DRC8: variants seen among roughly 807,000 people sequenced by gnomAD.
The protein encoded by DRC8 is dynein regulatory complex subunit 8, also known as dynein regulatory complex protein 8.
At chr1:245,004,323 T>G in the DRC8 span, among the ~76,000 whole-genome samples, 1 of 152,160 alleles carries the variant, frequency 6.6e-6, no homozygotes, top group Non-Finnish European at 1.5e-5. Flanking sequence ...GAATTTGTAT[T>G]CTACAAAACA....
the DRC8 span, among the ~76,000 whole-genome samples, chr1:245,046,967 G>A: frequency 2.0e-5 from 3 of 152,164 alleles, no homozygotes; most frequent in African/African-American, 7.2e-5. Context: ...CCGCTGCTCC[G>A]TTTTAGAGGG....
chr1:245,085,512 T>A, the DRC8 span, among the ~76,000 whole-genome samples: 8 of 152,056 alleles, frequency 5.3e-5, no homozygotes, highest in Non-Finnish European at 1.0e-4. Flanking sequence ...GAACATGCTA[T>A]TTCAGAGAGA....
chr1:244,971,331 G>T, the DRC8 span, among the ~76,000 whole-genome samples: 1 of 152,262 alleles, frequency 6.6e-6, no homozygotes, highest in Non-Finnish European at 1.5e-5. Context: ...AGCCCCGCGC[G>T]GTGGCCGCCT....
At chr1:245,027,761 T>A in the DRC8 span, among the ~76,000 whole-genome samples, 1 of 152,188 alleles carries the variant, frequency 6.6e-6, no homozygotes, top group South Asian at 2.1e-4. Flanking sequence ...TTCACACATA[T>A]TTTAGTAGTT....
the DRC8 span, among the ~76,000 whole-genome samples, chr1:245,116,034 C>T: frequency 1.3e-4 from 19 of 151,930 alleles, no homozygotes; most frequent in African/African-American, 4.1e-4. Flanking sequence ...TTACAGGTAC[C>T]ATCGCCATGC....
chr1:245,086,454 T>G, the DRC8 span, among the ~76,000 whole-genome samples: 10 of 152,216 alleles, frequency 6.6e-5, no homozygotes, highest in Non-Finnish European at 1.0e-4. Flanking sequence ...TTCATCCTAA[T>G]ATCCACAAAG....
At chr1:244,996,728 C>T in the DRC8 span, among the ~76,000 whole-genome samples, 1 of 152,194 alleles carries the variant, frequency 6.6e-6, no homozygotes, top group Non-Finnish European at 1.5e-5. Context: ...TATTCTATAG[C>T]ATCATTGCCT....
At chr1:245,045,102 C>T in the DRC8 span, among the ~76,000 whole-genome samples, 2 of 152,186 alleles carry the variant, frequency 1.3e-5, no homozygotes, top group African/African-American at 4.8e-5. Flanking sequence ...TTCAACCTCA[C>T]CTGCTCAAGT....
chr1:245,114,967 A>G, the DRC8 span, among the ~76,000 whole-genome samples: 7 of 151,726 alleles, frequency 4.6e-5, no homozygotes, highest in African/African-American at 1.7e-4. Context: ...CTTGTGATCC[A>G]CCCGCCTCAG....
the DRC8 span, among the ~76,000 whole-genome samples, chr1:245,105,640 A>AAC: frequency 2.6e-4 from 38 of 148,132 alleles, no homozygotes; most frequent in African/African-American, 9.2e-4. Flanking sequence ...AAAAAAAAAC[A>AAC]AAAAACAAAA....
At chr1:245,021,592 C>T in the DRC8 span, among the ~76,000 whole-genome samples, 23 of 152,166 alleles carry the variant, frequency 1.5e-4, no homozygotes, top group South Asian at 1.9e-3. Flanking sequence ...CCCACCACCA[C>T]GCCCATCTAA....
chr1:244,980,472 G>A, the DRC8 span, among the ~76,000 whole-genome samples: 3 of 152,276 alleles, frequency 2.0e-5, no homozygotes, highest in African/African-American at 7.2e-5. Context: ...TGGACTCCAG[G>A]TTTGGGACTC....
chr1:245,113,054 CCT>C, the DRC8 span, among the ~76,000 whole-genome samples: 1 of 152,110 alleles, frequency 6.6e-6, no homozygotes, highest in South Asian at 2.1e-4. Context: ...GCACCTGGCC[CCT>C]GATACTATTT....
At chr1:245,120,079 A>G in the DRC8 span, among the ~76,000 whole-genome samples, 1 of 152,264 alleles carries the variant, frequency 6.6e-6, no homozygotes, top group East Asian at 1.9e-4. Context: ...ATGTAAAAAA[A>G]GAAACTGACC....
the DRC8 span, among the ~76,000 whole-genome samples, chr1:245,066,056 G>A: frequency 1.3e-5 from 2 of 151,822 alleles, no homozygotes; most frequent in Admixed American, 1.3e-4. Flanking sequence ...ACTCACTACT[G>A]TCTTGGGTTC....
chr1:245,019,024 A>G, the DRC8 span, among the ~76,000 whole-genome samples: 1 of 152,202 alleles, frequency 6.6e-6, no homozygotes, highest in Admixed American at 6.5e-5. Flanking sequence ...GTAGCAGTGA[A>G]AAGAAAATCT....
At chr1:245,100,183 G>A in the DRC8 span, among the ~76,000 whole-genome samples, 2 of 152,104 alleles carry the variant, frequency 1.3e-5, no homozygotes, top group Non-Finnish European at 2.9e-5. Context: ...TCAGGAGTTC[G>A]AGACCAGCCT....
the DRC8 span, among the ~76,000 whole-genome samples, chr1:245,013,152 C>CAAAA: frequency 0.026 from 1,392 of 53,166 alleles, 22 homozygotes; most frequent in African/African-American, 0.091. Context: ...AAACAAAGAA[C>CAAAA]AAACAAACAA....
At chr1:245,087,248 A>T in the DRC8 span, 1 of 1,602,788 alleles carries the variant, frequency 6.2e-7, no homozygotes, top group Non-Finnish European at 8.5e-7. Flanking sequence ...CTCTGAGGTG[A>T]GCCTTTTTCT....
Sources: gnomAD v4.1 joint callset for allele counts (sites outside exome capture counted in the v4.1 genomes callset) on GRCh38, gnomAD v4.1.1 for gene constraint, MANE v1.5 for transcripts, NCBI Gene and HGNC (gene_info 2026-07-23, HGNC 2026-07-21) for gene names.